The following WDR49 variants were observed in gnomAD, a reference collection of about 807,000 sequenced individuals.
WDR49 encodes WD repeat domain 49, also known as cilia- and flagella-associated protein 337.
Under a neutral mutation model 119.5 loss-of-function variants are expected in WDR49, and 107 were observed. That is an observed-to-expected ratio of 0.90 (90% CI 0.77 to 1.05). The LOEUF is 1.05. Among genes scored for constraint, WDR49 ranks in the 50% least tolerant of loss-of-function variants. The probability of loss-of-function intolerance (pLI) is 0.00; values close to 1 mark genes in which losing one functional copy is unlikely to be tolerated. For synonymous variants in WDR49, 425 were observed against 418.8 expected, an observed-to-expected ratio of 1.01 and a Z score of -0.18; for missense variants, 1,240 against 1,220.5, an observed-to-expected ratio of 1.02 and a Z score of -0.24.
rs1368335562 is a variant in WDR49, at chr3:167,583,544, G to GA, written c.1276-7394dup. Among the ~76,000 whole-genome samples the GA allele has an allele frequency of 3.3e-5, 5 of 152,050 alleles. No individual in the cohort carries two copies. The South Asian group carries it at 1.0e-3, about 32-fold the overall frequency. On this transcript the variant is annotated intron_variant, in intron 7 of 18. Coordinates refer to ENST00000682715, the MANE Select transcript of WDR49 (RefSeq NM_001366157.1). Reference sequence around the variant, plus strand: ...ACCCTGTCTCTATAAAAAAAATCCAGAAAAATAAAGCATAATTTCTGTTGC... The same window carrying GA: ...ACCCTGTCTCTATAAAAAAAATCCAGAAAAAATAAAGCATAATTTCTGTTGC...
Position 167,585,611 on chromosome 3 carries a change from A to G in WDR49, c.1276-9460T>C, listed in dbSNP as rs139705328. 0.023 allele frequency among the ~76,000 whole-genome samples: 3,496 copies of G among 152,158 alleles called. 241 individuals carry two copies. The East Asian group carries it at 0.23, about 10-fold the overall frequency. On this transcript the variant is annotated intron_variant, in intron 7 of 18. Coordinates refer to ENST00000682715, the MANE Select transcript of WDR49 (RefSeq NM_001366157.1). ...CAAGAGATACTGTTTAGGAAAAAGC[A>G]AATTGTAGAAAAAATATGTGTCATA...
At chr3:167,649,177 T>C (rs1718261537) in intron 2 of WDR49, among the ~76,000 whole-genome samples, 1 of 152,052 alleles carries the variant, frequency 6.6e-6, no homozygotes, top group African/African-American at 2.4e-5. Context: ...TTTTGGAGTA[T>C]GAGACACGTC....
chr3:167,617,794 A>G (rs558266590), intron 5 of WDR49, among the ~76,000 whole-genome samples: 2 of 152,322 alleles, frequency 1.3e-5, no homozygotes, highest in Non-Finnish European at 2.9e-5. Flanking sequence ...TGGTTGCTTC[A>G]GAGAGCTGCC....
intron 5 of WDR49, among the ~76,000 whole-genome samples, chr3:167,618,871 C>T (rs1716725092): frequency 6.6e-6 from 1 of 152,140 alleles, no homozygotes; most frequent in Non-Finnish European, 1.5e-5. Context: ...TGTCCTATAA[C>T]TTAAGAGACA....
At chr3:167,656,302 C>T (rs1718601549), upstream of WDR49, among the ~76,000 whole-genome samples, 1 of 152,190 alleles carries the variant, frequency 6.6e-6, no homozygotes. Context: ...GTCTTCTTAT[C>T]ACCCTAGTTA....
At chr3:167,586,436 T>G (rs904799244) in intron 7 of WDR49, among the ~76,000 whole-genome samples, 2 of 152,090 alleles carry the variant, frequency 1.3e-5, no homozygotes, top group Non-Finnish European at 2.9e-5. Context: ...AAAATAGCAA[T>G]AGAGAAGATT....
chr3:167,481,803 C>A (rs926477453), intron 18 of WDR49, among the ~76,000 whole-genome samples: 1 of 142,720 alleles, frequency 7.0e-6, no homozygotes, highest in Non-Finnish European at 1.5e-5. Flanking sequence ...TTCACTATCA[C>A]GAGAATAGCA....
intron 16 of WDR49, among the ~76,000 whole-genome samples, chr3:167,513,877 A>T (rs1205417890): frequency 1.3e-5 from 2 of 152,218 alleles, no homozygotes; most frequent in Non-Finnish European, 2.9e-5. Context: ...GCATTACATA[A>T]TGGTAAAGTG....
intron 8 of WDR49, among the ~76,000 whole-genome samples, chr3:167,566,538 G>A (rs893783624): frequency 6.6e-6 from 1 of 151,928 alleles, no homozygotes; most frequent in Non-Finnish European, 1.5e-5. Flanking sequence ...CTTAAATATT[G>A]AGTTATTAAA....
intron 10 of WDR49, among the ~76,000 whole-genome samples, chr3:167,538,048 G>A (rs1711567682): frequency 6.6e-6 from 1 of 151,718 alleles, no homozygotes; most frequent in African/African-American, 2.4e-5. Flanking sequence ...TTAACATGTG[G>A]TATATATACA....
intron 16 of WDR49, among the ~76,000 whole-genome samples, chr3:167,509,937 CACAGT>C (rs1227832299): frequency 0.036 from 4,868 of 134,896 alleles, 248 homozygotes; most frequent in African/African-American, 0.12. Context: ...TCTACTAAGT[CACAGT>C]TATTTTTATA....
intron 5 of WDR49, among the ~76,000 whole-genome samples, chr3:167,616,514 G>A (rs183666011): frequency 1.4e-3 from 210 of 152,182 alleles, no homozygotes; most frequent in Non-Finnish European, 2.1e-3. Context: ...ACCACACAGA[G>A]CCTAGCAACC....
chr3:167,653,484 T>A lies in WDR49; in HGVS notation c.-59A>T, dbSNP rs1320523668. ...ATTTCTATAAGGATGGATCTTCTTT[T>A]TCCTTCAACAGGTGCCTTTGAAAAG... On this transcript the variant is annotated 5_prime_UTR_variant, in exon 2 of 19. Coordinates refer to ENST00000682715, the MANE Select transcript of WDR49 (RefSeq NM_001366157.1). 2 of 1,415,156 alleles carry A rather than the reference T, an allele frequency of 1.4e-6. No homozygotes were observed. Among genetic ancestry groups the A allele is most frequent in the African/African-American group, 1.5e-5 (1 of 68,390 alleles). 87.7% of individuals were successfully genotyped at this position (1,415,156 alleles called of 1,614,324 possible).
intron 8 of WDR49, among the ~76,000 whole-genome samples, chr3:167,563,270 C>T (rs1271451917): frequency 6.9e-6 from 1 of 145,114 alleles, no homozygotes; most frequent in African/African-American, 2.5e-5. Flanking sequence ...AGGAGAAGGG[C>T]GTGAACCCGG....
At chr3:167,646,972 GA>G (rs1264200004) in intron 2 of WDR49, among the ~76,000 whole-genome samples, 1 of 152,118 alleles carries the variant, frequency 6.6e-6, no homozygotes, top group African/African-American at 2.4e-5. Context: ...CAGTTTAGAG[GA>G]TTCCTATTTC....
At chr3:167,544,281 C>T (rs1371089564) in intron 10 of WDR49, among the ~76,000 whole-genome samples, 1 of 151,854 alleles carries the variant, frequency 6.6e-6, no homozygotes, top group Non-Finnish European at 1.5e-5. Flanking sequence ...ATGAAAATAC[C>T]ATCATCATTC....
At chr3:167,633,589 A>G in intron 2 of WDR49, 1 of 430,418 alleles carries the variant, frequency 2.3e-6, no homozygotes, top group Non-Finnish European at 4.6e-6. Flanking sequence ...CTTTCAATCT[A>G]AAAAATGAAC....
At chr3:167,547,927 T>C (rs1475776515) in intron 10 of WDR49, among the ~76,000 whole-genome samples, 1 of 152,036 alleles carries the variant, frequency 6.6e-6, no homozygotes, top group East Asian at 1.9e-4. Flanking sequence ...TTTTCAACTT[T>C]GATAATCACT....
At chr3:167,566,390 G>A (rs981817885) in intron 8 of WDR49, among the ~76,000 whole-genome samples, 1 of 152,096 alleles carries the variant, frequency 6.6e-6, no homozygotes, top group Non-Finnish European at 1.5e-5. Context: ...CTGTGAAAAT[G>A]GACAAGGTTA....
Sources: allele counts gnomAD v4.1 joint callset (sites outside exome capture counted in the v4.1 genomes callset), GRCh38; gene constraint gnomAD v4.1.1; transcripts MANE v1.5; gene names NCBI Gene and HGNC (gene_info 2026-07-23, HGNC 2026-07-21).